FBXO25: variants seen among roughly 807,000 people sequenced by gnomAD.
FBXO25 encodes the protein F-box protein 25.
A neutral mutation model predicts 51.9 loss-of-function variants in FBXO25; 45 were observed. That is an observed-to-expected ratio of 0.87 (90% CI 0.68 to 1.11). The LOEUF (loss-of-function observed/expected upper bound fraction) is 1.11, where lower values mean the gene tolerates loss of function less well. Among genes scored for constraint, FBXO25 ranks in the 50% most tolerant of loss-of-function variants. The pLI, the probability that FBXO25 is intolerant of heterozygous loss-of-function variation, is 0.00. For missense variants in FBXO25, 507 were observed against 428.5 expected, an observed-to-expected ratio of 1.18 and a Z score of -1.62; for synonymous variants, 199 against 151.0, an observed-to-expected ratio of 1.32 and a Z score of -2.33.
Position 472,208 on chromosome 8 carries a change from C to G in FBXO25, c.*3404C>G, listed in dbSNP as rs894809975. On this transcript the variant is annotated 3_prime_UTR_variant, in exon 10 of 10. Transcript: ENST00000350302. ...TGATGTTAACCCTGGGTTTTCCATA[C>G]ATACCCTCTATTAGGTTGGGGAGGT... 6.6e-6 allele frequency: 1 copy of G among 152,210 alleles called. No homozygotes were observed. Among genetic ancestry groups the G allele is most frequent in the African/African-American group, 2.4e-5 (1 of 41,460 alleles). The allele number at this position is 152,210 out of a possible 1,614,324, so 9.4% of individuals were successfully genotyped here.
intron 2 of FBXO25, among the ~76,000 whole-genome samples, chr8:417,274 T>C (rs1486640712): frequency 1.3e-5 from 2 of 152,228 alleles, no homozygotes; most frequent in African/African-American, 2.4e-5. Context: ...TTCAGGCCTA[T>C]GCTTTAACAG....
Position 445,772 on chromosome 8 carries a change from G to A in FBXO25, c.382-4218G>A, listed in dbSNP as rs115595583. Among the ~76,000 whole-genome samples the A allele has an allele frequency of 5.7e-4, 87 of 152,324 alleles. 1 individual carries two copies. Among genetic ancestry groups the A allele is most frequent in the African/African-American group, 2.0e-3 (85 of 41,570 alleles). On this transcript the variant is annotated intron_variant, in intron 5 of 9. Coordinates refer to ENST00000350302, the MANE Select transcript of FBXO25 (RefSeq NM_183420.2). ...TATAATGCCAGCTACTGGGGAAGCT[G>A]AGGCTAGAGAATCGCTTGAACCCAG...
intron 2 of FBXO25, among the ~76,000 whole-genome samples, chr8:416,853 A>G (rs1345459922): frequency 6.6e-6 from 1 of 152,248 alleles, no homozygotes; most frequent in South Asian, 2.1e-4. Context: ...TGAAACAGAT[A>G]GGCAGTGGAC....
intron 2 of FBXO25, among the ~76,000 whole-genome samples, chr8:422,042 G>A (rs1374566169): frequency 2.0e-5 from 3 of 152,182 alleles, no homozygotes; most frequent in African/African-American, 7.2e-5. Flanking sequence ...AGGAATAAGG[G>A]AAATAGAAAA....
chr8:442,633 C>A (rs973397028), intron 5 of FBXO25, among the ~76,000 whole-genome samples: 1 of 151,990 alleles, frequency 6.6e-6, no homozygotes, highest in South Asian at 2.1e-4. Flanking sequence ...CCACGCCTGG[C>A]TAATTTTTGT....
At chr8:456,762 G>A (rs1460071707) in intron 7 of FBXO25, among the ~76,000 whole-genome samples, 4 of 152,196 alleles carry the variant, frequency 2.6e-5, no homozygotes, top group African/African-American at 7.2e-5. Flanking sequence ...GGCTTGGAGT[G>A]CATCACTGGC....
At chr8:441,865 G>A (rs1798444899) in intron 5 of FBXO25, among the ~76,000 whole-genome samples, 1 of 152,184 alleles carries the variant, frequency 6.6e-6, no homozygotes. Flanking sequence ...AACAACAGAT[G>A]CTGGAGAGGA....
intron 2 of FBXO25, among the ~76,000 whole-genome samples, chr8:422,299 G>C (rs1379722066): frequency 6.6e-6 from 1 of 152,210 alleles, no homozygotes; most frequent in African/African-American, 2.4e-5. Flanking sequence ...CACATCATCT[G>C]TGGTGGTTTT....
intron 1 of FBXO25, among the ~76,000 whole-genome samples, chr8:411,565 A>C (rs1156335311): frequency 6.6e-6 from 1 of 152,084 alleles, no homozygotes; most frequent in Non-Finnish European, 1.5e-5. Context: ...GTATATATTT[A>C]TTCATTCAGT....
At chr8:444,197 T>A (rs547174714) in intron 5 of FBXO25, among the ~76,000 whole-genome samples, 145 of 152,362 alleles carry the variant, frequency 9.5e-4, no homozygotes, top group Non-Finnish European at 1.9e-3. Flanking sequence ...AGGCGAAGAT[T>A]GAGCAAAGTT....
intron 2 of FBXO25, among the ~76,000 whole-genome samples, chr8:423,942 C>G (rs542461614): frequency 1.3e-5 from 2 of 152,288 alleles, no homozygotes; most frequent in South Asian, 4.1e-4. Context: ...TCTCCTCAGC[C>G]TTGCCAGCAT....
chr8:458,572 T>G, intron 8 of FBXO25, 21 bp downstream of exon 8: 1 of 1,611,034 alleles, frequency 6.2e-7, no homozygotes, highest in Non-Finnish European at 8.5e-7. Context: ...TGCAGCAGTC[T>G]CCCCTCAGGC....
chr8:467,708 A>G, intron 9 of FBXO25: 2 of 1,613,428 alleles, frequency 1.2e-6, no homozygotes, highest in East Asian at 2.2e-5. Context: ...TTCTTTCTTC[A>G]TGATCTCGAA....
rs866719043 is a variant in FBXO25 at position 471,175 on chromosome 8, G to T, written c.*2371G>T. ...CCACAGGCCATGGACACAGCTAGCC[G>T]CATTGCCACTGCATGGGTCACAGCC... On this transcript the variant is annotated 3_prime_UTR_variant, in exon 10 of 10. Transcript: ENST00000350302. 31 of 152,190 alleles carry T rather than the reference G, an allele frequency of 2.0e-4. No homozygotes were observed. The highest frequency in any genetic ancestry group is 7.0e-4 in the African/African-American group (29 of 41,430). The allele number at this position is 152,190 out of a possible 1,614,324, so 9.4% of individuals were successfully genotyped here.
At chr8:435,907 G>C (rs1320790828) in intron 5 of FBXO25, among the ~76,000 whole-genome samples, 200 bp downstream of exon 5, 1 of 152,202 alleles carries the variant, frequency 6.6e-6, no homozygotes, top group East Asian at 1.9e-4. Flanking sequence ...GGTGGCAGAG[G>C]TTGCAGAGCC....
In FBXO25 at chr8:475,158, C is replaced by T. The variant is rs1284432907; in HGVS notation, c.*6354C>T. 8.6e-6 allele frequency: 3 copies of T among 347,570 alleles called. No individual in the cohort carries two copies. Among genetic ancestry groups the T allele is most frequent in the East Asian group, 7.8e-5 (1 of 12,886 alleles). The allele number at this position is 347,570 out of a possible 1,614,324, so 21.5% of individuals were successfully genotyped here. A position where few individuals can be genotyped will look rare whatever the true frequency, so the allele number is the denominator to read the frequency against. On this transcript the variant is annotated 3_prime_UTR_variant, in exon 10 of 10. Coordinates refer to ENST00000350302, the MANE Select transcript of FBXO25 (RefSeq NM_183420.2). ...ATATGGTGTGAGGTAGATCTAGCTT[C>T]ATGTGGATGTCCACTTGTCTAGCAC...
chr8:468,640 C>G, intron 9 of FBXO25, 75 bp from the exon 10 acceptor site: 2 of 1,131,386 alleles, frequency 1.8e-6, no homozygotes, highest in East Asian at 2.4e-5. Context: ...AAGCAGCTGA[C>G]GACCCCTCAA....
At chr8:433,437 G>A (rs1283769469) in intron 4 of FBXO25, among the ~76,000 whole-genome samples, 2 of 152,138 alleles carry the variant, frequency 1.3e-5, no homozygotes, top group Non-Finnish European at 2.9e-5. Context: ...TCCCTGTGGC[G>A]TGTTTTGGAG....
chr8:456,169 T>G (rs1442282380), intron 7 of FBXO25, among the ~76,000 whole-genome samples: 2 of 152,188 alleles, frequency 1.3e-5, no homozygotes, highest in Non-Finnish European at 1.5e-5. Flanking sequence ...TGTTAGACTT[T>G]TAGTTAGGGG....
Sources: gnomAD v4.1 joint callset for allele counts (sites outside exome capture counted in the v4.1 genomes callset) on GRCh38, gnomAD v4.1.1 for gene constraint, MANE v1.5 for transcripts, NCBI Gene and HGNC (gene_info 2026-07-23, HGNC 2026-07-21) for gene names.